ERBB2: variants seen among roughly 807,000 people sequenced by gnomAD.
ERBB2 encodes the protein erb-b2 receptor tyrosine kinase 2.
In ERBB2, 61 loss-of-function variants were observed where a neutral mutation model predicts 149.0. That is an observed-to-expected ratio of 0.41 (90% CI 0.33 to 0.51). The LOEUF (loss-of-function observed/expected upper bound fraction) is 0.51, where lower values mean the gene tolerates loss of function less well. Among genes scored for constraint, ERBB2 ranks in the 20% least tolerant of loss-of-function variants. ERBB2 has a pLI of 0.25. For synonymous variants in ERBB2, 633 were observed against 678.8 expected (o/e 0.93, Z 1.05); for missense variants, 1,205 against 1,655.1 (o/e 0.73, Z 4.72).
Position 39,725,542 on chromosome 17 carries a change from T to A in ERBB2, c.2725+140T>A. ...GCTGCCTGTGCCCCACCTTGCAGGGTCTGTGCACTTCCCAGGATTAGGGAA... is the reference window on the plus strand; with the variant it reads ...GCTGCCTGTGCCCCACCTTGCAGGGACTGTGCACTTCCCAGGATTAGGGAA... On this transcript the variant is annotated intron_variant, in intron 22 of 26. Transcript: ENST00000269571. The surrounding 1 kb of genome is among the most constrained non-coding windows in gnomAD (Gnocchi z 4.6). 8.4e-7 allele frequency: 1 copy of A among 1,184,110 alleles called. No homozygotes were observed. Among genetic ancestry groups the A allele is most frequent in the Non-Finnish European group, 1.2e-6 (1 of 827,372 alleles). The allele number at this position is 1,184,110 out of a possible 1,614,324, so 73.4% of individuals were successfully genotyped here. A position where few individuals can be genotyped will look rare whatever the true frequency, so the allele number is the denominator to read the frequency against.
rs1448882667 is a variant in ERBB2, at chr17:39,715,507, G to A, written c.1284G>A (p.Leu428=). ...SLPDLSVFQN[L]QVIRGRILHN... is the part of the protein sequence containing the mutation. The stretch of plus-strand genomic sequence containing the variant: ...CTGACCTCAGCGTCTTCCAGAACCT[G>A]CAAGTAATCCGGGGACGAATTCTGC... The change falls in exon 11 of 27, where the codon CTG becomes CTA. Residue 428 remains leucine (L), a synonymous_variant. Transcript: ENST00000269571. The A allele has an allele frequency of 3.1e-6, 5 of 1,614,082 alleles. No homozygotes were observed. In the South Asian group the frequency reaches 5.5e-5, roughly 18 times the overall value.
rs1162301356 is a variant in ERBB2, at chr17:39,718,523, C to T, written c.1898+1043C>T. Among the ~76,000 whole-genome samples, 7 of 152,282 alleles carry T rather than the reference C, an allele frequency of 4.6e-5. No homozygotes were observed. The East Asian group carries it at 5.8e-4, about 13-fold the overall frequency. ...AACCAAAAAGTGTCAAGAGCCTGGG[C>T]GCAGTGACTCACACCTGTAATCCCA... On this transcript the variant is annotated intron_variant, in intron 15 of 26. Coordinates refer to ENST00000269571, the MANE Select transcript of ERBB2 (RefSeq NM_004448.4).
Position 39,717,683 on chromosome 17 carries a change from G to T in ERBB2, c.1898+203G>T, listed in dbSNP as rs116322880. ...GTTCTATCCCCACTGTTAATAATTT[G>T]AAATATTTTTCCTCTAGTTATTTTT... On this transcript the variant is annotated intron_variant, in intron 15 of 26. Transcript: ENST00000269571. 1,760 of 471,496 alleles carry T rather than the reference G, an allele frequency of 3.7e-3. 11 individuals carry two copies. Among genetic ancestry groups the T allele is most frequent in the African/African-American group, 0.026 (1,304 of 50,942 alleles). The allele number at this position is 471,496 out of a possible 1,614,324, so 29.2% of individuals were successfully genotyped here.
upstream of ERBB2, among the ~76,000 whole-genome samples, chr17:39,695,704 T>TAC (rs56249643): frequency 0.11 from 10,464 of 96,508 alleles, 891 homozygotes; most frequent in Middle Eastern, 0.12. Context: ...GGTGCATGCA[T>TAC]ACACACACAC....
At chr17:39,694,262 T>TGTGTGTGTATATATATATATACAC (rs1567888129), upstream of ERBB2, among the ~76,000 whole-genome samples, 1 of 28,906 alleles carries the variant, frequency 3.5e-5, no homozygotes, top group Non-Finnish European at 7.8e-5. Flanking sequence ...TATATATATA[T>TGTGTGTGTATATATATATATACAC]ATATATGTGT....
intron 1 of ERBB2, among the ~76,000 whole-genome samples, chr17:39,705,230 G>A (rs1251710318): frequency 2.0e-5 from 3 of 152,268 alleles, no homozygotes; most frequent in South Asian, 2.1e-4. Flanking sequence ...ATTGCCTGGC[G>A]GCCACAGCTG....
intron 1 of ERBB2, among the ~76,000 whole-genome samples, chr17:39,706,302 C>A (rs1286667317): frequency 6.6e-6 from 1 of 152,188 alleles, no homozygotes; most frequent in Non-Finnish European, 1.5e-5. Context: ...AGCGCAGGAA[C>A]CTTTGGCGCA....
chr17:39,694,271 GTGTATATATATATATATACACATATA>G (rs2057802417), upstream of ERBB2, among the ~76,000 whole-genome samples: 1 of 26,654 alleles, frequency 3.8e-5, no homozygotes, highest in Admixed American at 4.8e-4. Flanking sequence ...ATATATATGT[GTGTATATATATATATATACACATATA>G]TATGTGTATA....
At chr17:39,710,258 G>A (rs2145510863) in intron 6 of ERBB2, 57 bp downstream of exon 6, 1 of 1,606,294 alleles carries the variant, frequency 6.2e-7, no homozygotes. Flanking sequence ...CAAGGGGTGG[G>A]CACCCTGCCT....
At chr17:39,707,291 C>A in intron 2 of ERBB2, 150 bp downstream of exon 2, 1 of 639,500 alleles carries the variant, frequency 1.6e-6, no homozygotes, top group South Asian at 2.7e-5. Flanking sequence ...ACATCTAACC[C>A]CCATTCATTT....
chr17:39,691,746 A>T (rs1222777191), upstream of ERBB2, among the ~76,000 whole-genome samples: 1 of 148,896 alleles, frequency 6.7e-6, no homozygotes, highest in Non-Finnish European at 1.5e-5. Flanking sequence ...GAAACAACTA[A>T]ATGTCCATCA....
At position 39,707,953 on chromosome 17, in the gene ERBB2, C is replaced by A. The variant is rs1187587379; in HGVS notation, c.226-368C>A. On this transcript the variant is annotated intron_variant, in intron 2 of 26. Coordinates refer to ENST00000269571, the MANE Select transcript of ERBB2 (RefSeq NM_004448.4). ...GACGGAGGTTGTGGTGAGCCTAGAT[C>A]GTGCCATTGTACTCCAGCCTGGGCA... The A allele has an allele frequency of 3.7e-5, 7 of 190,338 alleles. No homozygotes were observed. In the South Asian group the frequency reaches 6.9e-4, roughly 19 times the overall value. The allele number at this position is 190,338 out of a possible 1,614,324, so 11.8% of individuals were successfully genotyped here.
chr17:39,691,123 T>C (rs912354678), upstream of ERBB2, among the ~76,000 whole-genome samples: 8 of 152,016 alleles, frequency 5.3e-5, no homozygotes, highest in African/African-American at 1.9e-4. Context: ...GAGTCTACAA[T>C]GTGGGTTCCT....
rs895225081 is a variant in ERBB2, at chr17:39,726,929, G to A, written c.3085G>A (p.Gly1029Ser). 6.2e-7 allele frequency: 1 copy of A among 1,613,710 alleles called. No individual in the cohort carries two copies. The highest frequency in any genetic ancestry group is 8.5e-7 in the Non-Finnish European group (1 of 1,179,964). Residue 1029 changes from glycine (G) to serine (S), a missense_variant, in exon 25 of 27, where the codon GGC (glycine) becomes AGC (serine). Around this residue, in one of 6 missense-constraint regions of ERBB2, gnomAD observed 312 missense variants for 343.8 expected, o/e 0.91. Coordinates refer to ENST00000269571, the MANE Select transcript of ERBB2 (RefSeq NM_004448.4). This position sits in a 1 kb window ranked among gnomAD's most constrained non-coding sequence, Gnocchi z 5.1. Reference sequence around the variant, plus strand: ...TGAGGAGTATCTGGTACCCCAGCAGGGCTTCTTCTGTCCAGACCCTGCCCC... The same window carrying A: ...TGAGGAGTATCTGGTACCCCAGCAGAGCTTCTTCTGTCCAGACCCTGCCCC... ...DAEEYLVPQQ[G>S]FFCPDPAPGA...
chr17:39,716,714 C>A, intron 14 of ERBB2, 109 bp downstream of exon 14: 1 of 1,000,628 alleles, frequency 1.0e-6, no homozygotes, highest in Non-Finnish European at 1.5e-6. Flanking sequence ...GGTAAAATAT[C>A]CCTGGAGAGG....
At chr17:39,704,459 G>A (rs2058300774) in intron 1 of ERBB2, among the ~76,000 whole-genome samples, 1 of 152,168 alleles carries the variant, frequency 6.6e-6, no homozygotes, top group Non-Finnish European at 1.5e-5. Context: ...CGTAATCCCA[G>A]CTACTGAGGA....
chr17:39,706,437 A>G lies in ERBB2; in HGVS notation c.74-553A>G, dbSNP rs757722386. On this transcript the variant is annotated intron_variant, in intron 1 of 26. Transcript: ENST00000269571. Reference sequence around the variant, plus strand: ...CAATGACCAGAGCCCCGGTTGTCCCATGCCTCAGCTGCAACTCCAGCTGAC... The same window carrying G: ...CAATGACCAGAGCCCCGGTTGTCCCGTGCCTCAGCTGCAACTCCAGCTGAC... Among the ~76,000 whole-genome samples the G allele has an allele frequency of 3.0e-4, 46 of 152,252 alleles. No individual in the cohort carries two copies. In the Middle Eastern group the frequency reaches 0.01, roughly 34 times the overall value.
intron 14 of ERBB2, among the ~76,000 whole-genome samples, chr17:39,716,806 G>C (rs185580870): frequency 6.6e-6 from 1 of 152,250 alleles, no homozygotes; most frequent in East Asian, 1.9e-4. Flanking sequence ...CTATGAAAAG[G>C]TTCTAAGGAG....
chr17:39,710,026 CTGA>C, intron 5 of ERBB2, 57 bp from the exon 6 acceptor site: 1 of 1,522,968 alleles, frequency 6.6e-7, no homozygotes, highest in Non-Finnish European at 9.0e-7. Context: ...GAAGGTGATG[CTGA>C]TGAGGGTCTG....
Sources: allele counts gnomAD v4.1 joint callset (sites outside exome capture counted in the v4.1 genomes callset), GRCh38; gene constraint gnomAD v4.1.1; regional missense constraint gnomAD v4.1.1; non-coding constraint Gnocchi (gnomAD v3.1); transcripts MANE v1.5; gene names NCBI Gene and HGNC (gene_info 2026-07-23, HGNC 2026-07-21).